LPP: variants seen among roughly 807,000 people sequenced by gnomAD.
LPP encodes the protein LIM domain containing preferred translocation partner in lipoma.
Under a neutral mutation model 60.4 loss-of-function variants are expected in LPP, and 38 were observed. The ratio of observed to expected loss-of-function variants is 0.63; its 90% CI spans 0.49 to 0.83. LPP has a LOEUF of 0.83. LPP is among the 40% of genes least tolerant of loss of function. The pLI, the probability that LPP is intolerant of heterozygous loss-of-function variation, is 0.00. For synonymous variants in LPP, 328 were observed against 290.8 expected (o/e 1.13, Z -1.30); for missense variants, 902 against 783.6 (o/e 1.15, Z -1.80).
chr3:188,336,144 G>T (rs1761559609), intron 2 of LPP, among the ~76,000 whole-genome samples: 2 of 152,082 alleles, frequency 1.3e-5, no homozygotes, highest in Admixed American at 6.6e-5. Flanking sequence ...GGGAGATTTA[G>T]CCAAGGGGAC....
At chr3:188,240,995 C>T (rs77056005) in intron 2 of LPP, among the ~76,000 whole-genome samples, 213 of 152,112 alleles carry the variant, frequency 1.4e-3, no homozygotes, top group African/African-American at 5.1e-3. Context: ...TAAGATGTTA[C>T]GGGGTATGTA....
At chr3:188,510,178 T>A (rs1815026855) in intron 5 of LPP, among the ~76,000 whole-genome samples, 1 of 152,226 alleles carries the variant, frequency 6.6e-6, no homozygotes. Context: ...GATTTTTAAG[T>A]TGAGACAAGA....
intron 7 of LPP, among the ~76,000 whole-genome samples, chr3:188,651,626 A>G (rs933162670): frequency 6.6e-6 from 1 of 152,198 alleles, no homozygotes; most frequent in Non-Finnish European, 1.5e-5. Flanking sequence ...CAGTCATGGC[A>G]GAAGGTGAAA....
chr3:188,545,593 T>C (rs113132046), intron 6 of LPP, among the ~76,000 whole-genome samples: 2,514 of 152,218 alleles, frequency 0.017, 63 homozygotes, highest in African/African-American at 0.057. Context: ...GAGGATTCAC[T>C]TTCAAGATGC....
chr3:188,866,890 T>A (rs1219027782), intron 10 of LPP, among the ~76,000 whole-genome samples: 2 of 152,318 alleles, frequency 1.3e-5, no homozygotes, highest in African/African-American at 4.8e-5. Flanking sequence ...CAGTTTCTTT[T>A]ACTAATGCAA....
chr3:188,422,911 C>CG (rs1560384029), intron 4 of LPP, among the ~76,000 whole-genome samples: 1 of 108,602 alleles, frequency 9.2e-6, no homozygotes, highest in African/African-American at 3.5e-5. Context: ...TTGGTGTCTT[C>CG]TTTGTGTGTG....
intron 4 of LPP, among the ~76,000 whole-genome samples, chr3:188,450,527 C>A (rs933922657): frequency 6.6e-6 from 1 of 152,050 alleles, no homozygotes; most frequent in African/African-American, 2.4e-5. Flanking sequence ...GGTGGATCAT[C>A]TGAGGTCATG....
chr3:188,530,993 T>C (rs374511464), intron 6 of LPP, among the ~76,000 whole-genome samples: 1 of 152,172 alleles, frequency 6.6e-6, no homozygotes, highest in African/African-American at 2.4e-5. Context: ...TTATCAGAGT[T>C]AGGGTACAGT....
chr3:188,442,272 C>A (rs937703862), intron 4 of LPP, among the ~76,000 whole-genome samples: 7 of 152,150 alleles, frequency 4.6e-5, no homozygotes, highest in Admixed American at 4.6e-4. Context: ...ATCCCTCCCC[C>A]AGCCCCACAC....
chr3:188,284,117 C>T (rs777717487), intron 2 of LPP, among the ~76,000 whole-genome samples: 73 of 152,022 alleles, frequency 4.8e-4, no homozygotes, highest in African/African-American at 7.7e-4. Flanking sequence ...CTCGGCCGGA[C>T]GCAGTGGCTC....
At chr3:188,464,635 ATT>A (rs1427378451) in intron 4 of LPP, among the ~76,000 whole-genome samples, 1 of 152,178 alleles carries the variant, frequency 6.6e-6, no homozygotes, top group Non-Finnish European at 1.5e-5. Context: ...TTTTAAAGTG[ATT>A]TCATGGACAC....
At chr3:188,669,661 T>C (rs1202401043) in intron 7 of LPP, among the ~76,000 whole-genome samples, 1 of 152,164 alleles carries the variant, frequency 6.6e-6, no homozygotes, top group Non-Finnish European at 1.5e-5. Flanking sequence ...TTTTATACTG[T>C]TGGTGGGAGT....
intron 2 of LPP, among the ~76,000 whole-genome samples, chr3:188,309,379 T>C (rs757975115): frequency 2.0e-5 from 3 of 152,156 alleles, no homozygotes; most frequent in Non-Finnish European, 4.4e-5. Flanking sequence ...TTACCTACTT[T>C]GCAGGCTCTG....
intron 8 of LPP, among the ~76,000 whole-genome samples, chr3:188,744,400 T>C (rs1281172367): frequency 6.6e-6 from 1 of 152,184 alleles, no homozygotes; most frequent in Non-Finnish European, 1.5e-5. Flanking sequence ...AACCTTTGAA[T>C]CTGTCCCCTT....
intron 6 of LPP, among the ~76,000 whole-genome samples, chr3:188,557,881 C>T (rs1023736351): frequency 6.6e-6 from 1 of 151,984 alleles, no homozygotes; most frequent in Non-Finnish European, 1.5e-5. Context: ...GTTTCAGTAC[C>T]TCTTGTTATA....
chr3:188,161,591 A>C (rs962496698), intron 1 of LPP, among the ~76,000 whole-genome samples: 2 of 152,294 alleles, frequency 1.3e-5, no homozygotes, highest in Non-Finnish European at 2.9e-5. Context: ...GAGGCCCCAG[A>C]AAAGGGACAG....
rs1771062591 is a variant in LPP, at chr3:188,889,844, G to A, written c.*15365G>A. On this transcript the variant is annotated 3_prime_UTR_variant, in exon 12 of 12. Transcript: ENST00000617246. The stretch of plus-strand genomic sequence containing the variant: ...TTCACTAAAAATGCCTACTCTTCCT[G>A]TTGATGTTCCTTTTCTGTTTTTACC... 7 of 214,528 alleles carry A rather than the reference G, an allele frequency of 3.3e-5. No homozygotes were observed. The Admixed American group carries it at 3.5e-4, about 11-fold the overall frequency. 13.3% of individuals were successfully genotyped at this position (214,528 alleles called of 1,614,324 possible). A position where few individuals can be genotyped will look rare whatever the true frequency, so the allele number is the denominator to read the frequency against.
At chr3:188,515,068 T>C (rs1816948785) in intron 5 of LPP, among the ~76,000 whole-genome samples, 1 of 152,172 alleles carries the variant, frequency 6.6e-6, no homozygotes, top group South Asian at 2.1e-4. Flanking sequence ...AAGCGTAGCA[T>C]TTATGTTCTA....
rs146504550 is a variant in LPP at position 188,609,624 on chromosome 3, A to G, written c.893A>G (p.Glu298Gly). 108 of 1,614,128 alleles carry G rather than the reference A, an allele frequency of 6.7e-5. No individual in the cohort carries two copies. In the African/African-American group the frequency reaches 1.1e-3, roughly 16 times the overall value. ...GYAPNQGRYY[E>G]GYYAAGPGYG... ...GCCCCCAACCAGGGACGCTATTATG[A>G]AGGCTACTATGCAGCAGGGCCAGGC... Residue 298 changes from glutamate (E) to glycine (G), a missense_variant, in exon 7 of 12, where the codon GAA becomes GGA. By Grantham distance (98) the Glu-to-Gly change is moderately conservative. Coordinates refer to ENST00000617246, the MANE Select transcript of LPP (RefSeq NM_001375462.1). The surrounding 1 kb of genome is among the most constrained non-coding windows in gnomAD (Gnocchi z 6.9).
Sources: gnomAD v4.1 joint callset for allele counts (sites outside exome capture counted in the v4.1 genomes callset) on GRCh38, gnomAD v4.1.1 for gene constraint, Gnocchi (gnomAD v3.1) non-coding constraint, MANE v1.5 for transcripts, NCBI Gene and HGNC (gene_info 2026-07-23, HGNC 2026-07-21) for gene names.